The following PCDH15 variants were observed in gnomAD, a reference collection of about 807,000 sequenced individuals.
PCDH15 encodes protocadherin-15.
A neutral mutation model predicts 178.5 loss-of-function variants in PCDH15; 129 were observed. The ratio of observed to expected loss-of-function variants is 0.72; its 90% CI spans 0.63 to 0.84. The LOEUF (loss-of-function observed/expected upper bound fraction) is 0.84, where lower values mean the gene tolerates loss of function less well. PCDH15 is among the 40% of genes least tolerant of loss of function. The pLI is 0.00. For missense variants in PCDH15, 2,230 were observed against 2,099.9 expected, an observed-to-expected ratio of 1.06 and a Z score of -1.21; for synonymous variants, 800 against 732.0, an observed-to-expected ratio of 1.09 and a Z score of -1.50.
chr10:55,556,822 C>CTTT (rs1842100699), intron 2 of PCDH15, among the ~76,000 whole-genome samples: 4 of 152,142 alleles, frequency 2.6e-5, no homozygotes, highest in Non-Finnish European at 5.9e-5. Flanking sequence ...TCGTGGGAGA[C>CTTT]TGTGTCTCAA....
chr10:54,234,512 C>T (rs75927033), intron 9 of PCDH15, among the ~76,000 whole-genome samples: 8,302 of 152,028 alleles, frequency 0.055, 561 homozygotes, highest in African/African-American at 0.17. Flanking sequence ...ATGATTGTGC[C>T]GCTGCACTCC....
intron 1 of PCDH15, among the ~76,000 whole-genome samples, chr10:54,674,978 C>A (rs1050167160): frequency 6.6e-6 from 1 of 152,014 alleles, no homozygotes; most frequent in Non-Finnish European, 1.5e-5. Flanking sequence ...GAATAATACA[C>A]TAAGAACTTT....
intron 8 of PCDH15, among the ~76,000 whole-genome samples, chr10:54,295,537 C>T (rs1416964727): frequency 1.3e-5 from 2 of 152,188 alleles, no homozygotes; most frequent in African/African-American, 4.8e-5. Flanking sequence ...AGGTTCATGG[C>T]TTCACTCCTG....
intron 18 of PCDH15, among the ~76,000 whole-genome samples, chr10:54,052,617 C>T: frequency 6.6e-6 from 1 of 152,076 alleles, no homozygotes; most frequent in East Asian, 1.9e-4. Context: ...CTTGCCTTGT[C>T]TCAGATGAGA....
At chr10:54,229,953 G>C (rs2053877575) in intron 9 of PCDH15, among the ~76,000 whole-genome samples, 1 of 152,088 alleles carries the variant, frequency 6.6e-6, no homozygotes, top group African/African-American at 2.4e-5. Context: ...TTCCTAACAA[G>C]TAAAATAATC....
intron 2 of PCDH15, among the ~76,000 whole-genome samples, chr10:54,978,345 A>G (rs989625465): frequency 2.6e-5 from 4 of 152,132 alleles, no homozygotes; most frequent in Admixed American, 2.0e-4. Context: ...ACTATGTATT[A>G]TAACTGGTAA....
At chr10:54,048,495 A>G (rs1199623231) in intron 18 of PCDH15, among the ~76,000 whole-genome samples, 1 of 152,122 alleles carries the variant, frequency 6.6e-6, no homozygotes, top group Non-Finnish European at 1.5e-5. Context: ...CCAGAATGAT[A>G]TTTCCTAGGT....
chr10:53,823,244 CTTGTGAGCCTCAATAGT>C (rs1169005186), intron 32 of PCDH15: 7 of 1,613,996 alleles, frequency 4.3e-6, no homozygotes, highest in Non-Finnish European at 5.9e-6. Context: ...CATGAGCTGA[CTTGTGAGCCTCAATAGT>C]ATTGGAAGAA....
chr10:55,072,374 G>C (rs536868623), intron 2 of PCDH15, among the ~76,000 whole-genome samples: 4 of 152,204 alleles, frequency 2.6e-5, no homozygotes, highest in East Asian at 1.9e-4. Context: ...GAAAAAATGA[G>C]AGAAGAATCA....
At chr10:54,614,115 C>T (rs997130520) in intron 2 of PCDH15, among the ~76,000 whole-genome samples, 1 of 151,800 alleles carries the variant, frequency 6.6e-6, no homozygotes, top group East Asian at 1.9e-4. Context: ...TATATATACA[C>T]CCATATATGC....
intron 2 of PCDH15, among the ~76,000 whole-genome samples, chr10:54,627,745 G>A (rs1168468846): frequency 1.3e-5 from 2 of 152,180 alleles, no homozygotes; most frequent in African/African-American, 2.4e-5. Context: ...TTGTTAACCT[G>A]GGACACAGCC....
chr10:55,380,745 C>T (rs1361410701), intron 2 of PCDH15, among the ~76,000 whole-genome samples: 1 of 152,118 alleles, frequency 6.6e-6, no homozygotes, highest in Non-Finnish European at 1.5e-5. Context: ...CCCACTACAC[C>T]ATAAATAATA....
At chr10:55,158,720 G>C (rs1469011802) in intron 2 of PCDH15, among the ~76,000 whole-genome samples, 2 of 151,252 alleles carry the variant, frequency 1.3e-5, no homozygotes, top group African/African-American at 4.9e-5. Context: ...GAAAGAAAAA[G>C]AAAAAAGAAA....
chr10:54,494,470 G>A (rs1003827351), intron 3 of PCDH15, among the ~76,000 whole-genome samples: 6 of 151,960 alleles, frequency 3.9e-5, no homozygotes, highest in East Asian at 1.9e-4. Context: ...AACCAATTTC[G>A]GTTAAGTTTC....
At chr10:55,608,875 T>C (rs1843291675) in intron 2 of PCDH15, among the ~76,000 whole-genome samples, 1 of 152,076 alleles carries the variant, frequency 6.6e-6, no homozygotes, top group Non-Finnish European at 1.5e-5. Context: ...TGATATGTTC[T>C]GAGAGGCCTG....
At chr10:54,654,442 A>T (rs1215928428) in intron 2 of PCDH15, among the ~76,000 whole-genome samples, 2 of 152,342 alleles carry the variant, frequency 1.3e-5, no homozygotes, top group East Asian at 3.9e-4. Context: ...AGAAAGTTGC[A>T]GGAAAGGTAA....
intron 2 of PCDH15, among the ~76,000 whole-genome samples, chr10:55,490,099 A>G (rs1050321573): frequency 6.6e-5 from 10 of 151,768 alleles, no homozygotes; most frequent in South Asian, 2.1e-4. Flanking sequence ...AACAAGCAGC[A>G]GAGGACTGTC....
chr10:55,110,110 G>T (rs933644167), intron 2 of PCDH15, among the ~76,000 whole-genome samples: 3 of 151,666 alleles, frequency 2.0e-5, no homozygotes, highest in Non-Finnish European at 4.4e-5. Flanking sequence ...TTAAATGCCT[G>T]TGTAATATTA....
At chr10:55,243,345 T>C (rs1841603624) in intron 1 of PCDH15, among the ~76,000 whole-genome samples, 1 of 152,190 alleles carries the variant, frequency 6.6e-6, no homozygotes, top group Non-Finnish European at 1.5e-5. Flanking sequence ...AAGGAGACTC[T>C]ACTGAATGTA....
Sources: allele counts gnomAD v4.1 joint callset (sites outside exome capture counted in the v4.1 genomes callset), GRCh38; gene constraint gnomAD v4.1.1; transcripts MANE v1.5; gene names NCBI Gene and HGNC (gene_info 2026-07-23, HGNC 2026-07-21).